Variants in RBFOX1 observed in about 807,000 individuals in gnomAD.
RBFOX1 encodes the protein RNA binding protein fox-1 homolog 1.
RBFOX1 carries 8 observed loss-of-function variants against 57.7 expected under a neutral mutation model. That is an observed-to-expected ratio of 0.14 (90% confidence interval 0.08 to 0.25). The LOEUF is 0.25. RBFOX1 is among the 10% of genes least tolerant of loss of function. The probability of loss-of-function intolerance (pLI) is 1.00; values close to 1 mark genes in which losing one functional copy is unlikely to be tolerated. For missense variants in RBFOX1, 611 were observed against 548.5 expected (o/e 1.11, Z -1.14); for synonymous variants, 326 against 222.4 (o/e 1.47, Z -4.15).
intron 2 of RBFOX1, among the ~76,000 whole-genome samples, chr16:5,478,095 C>G (rs772181886): frequency 5.9e-5 from 9 of 152,152 alleles, no homozygotes; most frequent in Non-Finnish European, 5.9e-5. Flanking sequence ...CTTGGAGAAG[C>G]AGATGACAGG....
chr16:5,385,631 T>G (rs763374794), intron 1 of RBFOX1, among the ~76,000 whole-genome samples: 1 of 152,194 alleles, frequency 6.6e-6, no homozygotes. Flanking sequence ...CATTACAGAA[T>G]TTGCCGGAAG....
chr16:6,662,128 G>T (rs533013332), intron 3 of RBFOX1, among the ~76,000 whole-genome samples: 17 of 71,958 alleles, frequency 2.4e-4, no homozygotes, highest in African/African-American at 7.4e-4. Context: ...CCGAGGGCTG[G>T]GGGCGGGGTG....
intron 3 of RBFOX1, among the ~76,000 whole-genome samples, chr16:6,875,803 A>G (rs2061728070): frequency 6.6e-6 from 1 of 152,098 alleles, no homozygotes; most frequent in Non-Finnish European, 1.5e-5. Context: ...CCAGGAGTTC[A>G]AGACCAGTCT....
chr16:6,654,479 C>G (rs11645523), intron 2 of RBFOX1, 124 bp from the exon 3 acceptor site: 525,434 of 736,522 alleles, frequency 0.71, 189,115 homozygotes, highest in Middle Eastern at 0.78. Flanking sequence ...CGAGAAAGAA[C>G]TATTAGGAGC....
intron 1 of RBFOX1, among the ~76,000 whole-genome samples, chr16:5,349,236 T>C (rs1418487306): frequency 2.0e-5 from 3 of 152,190 alleles, no homozygotes; most frequent in African/African-American, 4.8e-5. Flanking sequence ...ATATCTAAAA[T>C]AGCCAGACTC....
At chr16:6,916,852 GT>G (rs1205614958) in intron 3 of RBFOX1, among the ~76,000 whole-genome samples, 1 of 151,914 alleles carries the variant, frequency 6.6e-6, no homozygotes, top group Non-Finnish European at 1.5e-5. Flanking sequence ...GTTTGTTTTT[GT>G]TTTTTTGTGT....
chr16:5,693,006 TCC>T (rs1357308258), intron 3 of RBFOX1, among the ~76,000 whole-genome samples: 1 of 152,130 alleles, frequency 6.6e-6, no homozygotes, highest in African/African-American at 2.4e-5. Flanking sequence ...TTTTCCAGCT[TCC>T]CCCCAGCTCT....
chr16:5,546,432 A>G (rs9888874), intron 2 of RBFOX1, among the ~76,000 whole-genome samples: 47,017 of 152,158 alleles, frequency 0.31, 8,639 homozygotes, highest in East Asian at 0.85. Context: ...TTACAAAGCT[A>G]TTGTAATCAA....
intron 4 of RBFOX1, among the ~76,000 whole-genome samples, chr16:7,219,656 T>C (rs1395258480): frequency 6.6e-6 from 1 of 152,058 alleles, no homozygotes; most frequent in Non-Finnish European, 1.5e-5. Flanking sequence ...AAACTCGGAG[T>C]AAAACTGGCT....
At chr16:6,361,312 C>G (rs1329310866) in intron 2 of RBFOX1, among the ~76,000 whole-genome samples, 1 of 152,024 alleles carries the variant, frequency 6.6e-6, no homozygotes, top group African/African-American at 2.4e-5. Context: ...ACACCAGGAA[C>G]AAGATTGAGA....
intron 2 of RBFOX1, among the ~76,000 whole-genome samples, chr16:6,636,849 T>C (rs2098439894): frequency 8.6e-6 from 1 of 115,858 alleles, no homozygotes; most frequent in Non-Finnish European, 1.7e-5. Flanking sequence ...ATATAATATA[T>C]ATAATATATA....
intron 2 of RBFOX1, among the ~76,000 whole-genome samples, chr16:6,490,610 G>C (rs1403886445): frequency 6.6e-6 from 1 of 152,154 alleles, no homozygotes; most frequent in African/African-American, 2.4e-5. Context: ...TACAAGTATG[G>C]ACTGCATTTT....
At chr16:6,915,592 C>A (rs891244560) in intron 3 of RBFOX1, among the ~76,000 whole-genome samples, 1 of 148,210 alleles carries the variant, frequency 6.7e-6, no homozygotes, top group Non-Finnish European at 1.5e-5. Flanking sequence ...GCTCTGTCAC[C>A]CAGGCTGGAG....
chr16:6,533,139 C>A (rs77587967), intron 2 of RBFOX1, among the ~76,000 whole-genome samples: 1,927 of 152,242 alleles, frequency 0.013, 43 homozygotes, highest in African/African-American at 0.044. Flanking sequence ...CTGTCAACAC[C>A]AGTACAGGAA....
chr16:7,695,630 C>A (rs138958364), intron 14 of RBFOX1, among the ~76,000 whole-genome samples: 4 of 129,782 alleles, frequency 3.1e-5, no homozygotes, highest in Admixed American at 9.5e-5. Flanking sequence ...CCGGCCTGGA[C>A]GACAGAGCAA....
chr16:6,234,914 G>A (rs977905447), intron 1 of RBFOX1, among the ~76,000 whole-genome samples: 1 of 152,262 alleles, frequency 6.6e-6, no homozygotes, highest in Admixed American at 6.5e-5. Flanking sequence ...TTTGGTTACA[G>A]GTTTGGAAAA....
At chr16:6,060,169 A>AGAATG (rs1455048948) in intron 1 of RBFOX1, among the ~76,000 whole-genome samples, 1 of 117,752 alleles carries the variant, frequency 8.5e-6, no homozygotes, top group East Asian at 3.1e-4. Context: ...ACGTATAACA[A>AGAATG]GAATGGAGAA....
intron 4 of RBFOX1, among the ~76,000 whole-genome samples, chr16:7,227,285 A>G (rs956092021): frequency 1.4e-5 from 1 of 73,240 alleles, no homozygotes; most frequent in Non-Finnish European, 3.4e-5. Flanking sequence ...CACACACCCC[A>G]CCCCACCCCC....
intron 2 of RBFOX1, among the ~76,000 whole-genome samples, chr16:6,633,481 A>G (rs375792343): frequency 3.3e-4 from 50 of 151,806 alleles, no homozygotes; most frequent in African/African-American, 1.1e-3. Flanking sequence ...TTTAGTAGAG[A>G]TGGGTTTTCA....
Sources: allele counts gnomAD v4.1 joint callset (sites outside exome capture counted in the v4.1 genomes callset), GRCh38; gene constraint gnomAD v4.1.1; transcripts MANE v1.5; gene names NCBI Gene and HGNC (gene_info 2026-07-23, HGNC 2026-07-21).